The following ATP8B4 variants were observed in gnomAD, a reference collection of about 807,000 sequenced individuals.
ATP8B4 encodes ATPase phospholipid transporting 8B4 (putative), also known as probable phospholipid-transporting ATPase IM.
ATP8B4 carries 133 observed loss-of-function variants against 145.6 expected under a neutral mutation model. That is an observed-to-expected ratio of 0.91 (90% confidence interval 0.79 to 1.05). The LOEUF is 1.05. ATP8B4 is among the 50% of genes least tolerant of loss of function. The probability of loss-of-function intolerance (pLI) is 0.00; values close to 1 mark genes in which losing one functional copy is unlikely to be tolerated. For synonymous variants in ATP8B4, 507 were observed against 492.9 expected, an observed-to-expected ratio of 1.03 and a Z score of -0.38; for missense variants, 1,458 against 1,425.2, an observed-to-expected ratio of 1.02 and a Z score of -0.37.
chr15:50,163,775 A>C (rs976677345), intron 1 of ATP8B4, among the ~76,000 whole-genome samples: 2 of 152,210 alleles, frequency 1.3e-5, no homozygotes, highest in African/African-American at 2.4e-5. Context: ...ACCAGGACCT[A>C]AAGTCAGGAA....
chr15:50,175,850 A>G (rs893717258), intron 1 of ATP8B4, among the ~76,000 whole-genome samples: 2 of 152,194 alleles, frequency 1.3e-5, no homozygotes. Context: ...ACTGCTGGGT[A>G]TCTACCCAAA....
At chr15:49,970,914 A>G (rs2045056379) in intron 13 of ATP8B4, among the ~76,000 whole-genome samples, 1 of 152,188 alleles carries the variant, frequency 6.6e-6, no homozygotes. Flanking sequence ...TACTGCTACC[A>G]AAAGAGATAT....
intron 2 of ATP8B4, 79 bp from the exon 3 acceptor site, chr15:50,074,264 G>A (rs2054036004): frequency 2.7e-5 from 34 of 1,269,634 alleles, no homozygotes; most frequent in Non-Finnish European, 3.7e-5. Context: ...ACAAGACTTA[G>A]GTTGCTTTGT....
intron 8 of ATP8B4, among the ~76,000 whole-genome samples, chr15:49,997,996 G>A (rs1331035172): frequency 6.6e-6 from 1 of 152,024 alleles, no homozygotes; most frequent in Non-Finnish European, 1.5e-5. Flanking sequence ...GAGGCTAAAG[G>A]GCCAACATGT....
chr15:49,902,120 G>A (rs919348082), intron 20 of ATP8B4: 1 of 160,216 alleles, frequency 6.2e-6, no homozygotes, highest in Non-Finnish European at 1.4e-5. Context: ...TGCAGGCTTT[G>A]AAGTAACATA....
chr15:50,034,998 G>A (rs780749918), intron 6 of ATP8B4, among the ~76,000 whole-genome samples: 11 of 152,184 alleles, frequency 7.2e-5, no homozygotes, highest in Non-Finnish European at 1.5e-4. Flanking sequence ...CTACAAGAAG[G>A]AATCATGCCA....
chr15:49,967,082 A>G (rs994104010), intron 13 of ATP8B4, among the ~76,000 whole-genome samples: 2 of 152,192 alleles, frequency 1.3e-5, no homozygotes, highest in Non-Finnish European at 2.9e-5. Flanking sequence ...CAACATCAAC[A>G]AAAAGGACAT....
At chr15:50,076,068 C>T (rs184531945) in intron 2 of ATP8B4, among the ~76,000 whole-genome samples, 2 of 152,276 alleles carry the variant, frequency 1.3e-5, no homozygotes, top group Admixed American at 1.3e-4. Context: ...TAGCTTGTTT[C>T]ATATACATTC....
intron 13 of ATP8B4, among the ~76,000 whole-genome samples, chr15:49,962,995 A>G (rs2044212641): frequency 6.6e-6 from 1 of 152,192 alleles, no homozygotes; most frequent in Non-Finnish European, 1.5e-5. Context: ...AGAATGAGAG[A>G]AAATTTTTGC....
At chr15:50,039,849 T>C (rs1057042508) in intron 5 of ATP8B4, among the ~76,000 whole-genome samples, 2 of 152,200 alleles carry the variant, frequency 1.3e-5, no homozygotes, top group African/African-American at 2.4e-5. Flanking sequence ...GCCCAGTACA[T>C]ACAATTACTC....
chr15:49,860,542 T>G, intron 27 of ATP8B4, 67 bp from the exon 28 acceptor site: 5 of 1,480,594 alleles, frequency 3.4e-6, no homozygotes, highest in Non-Finnish European at 4.5e-6. Context: ...GTGGCCCACT[T>G]TGTAAAGTGA....
intron 4 of ATP8B4, among the ~76,000 whole-genome samples, chr15:50,046,989 C>G (rs895266213): frequency 6.6e-6 from 1 of 152,180 alleles, no homozygotes; most frequent in African/African-American, 2.4e-5. Flanking sequence ...GCAACCTACT[C>G]AGTCTTAGTC....
At chr15:50,010,724 T>C (rs2048666130) in intron 7 of ATP8B4, 121 bp downstream of exon 7, 1 of 596,486 alleles carries the variant, frequency 1.7e-6, no homozygotes. Context: ...TTTTTACTAA[T>C]ACATACTGAT....
At chr15:49,943,139 A>G (rs896014587) in intron 14 of ATP8B4, among the ~76,000 whole-genome samples, 8 of 152,236 alleles carry the variant, frequency 5.3e-5, no homozygotes, top group African/African-American at 1.9e-4. Flanking sequence ...AAATTCACCA[A>G]ACAAAGACAA....
chr15:50,142,948 G>A (rs2044232048), intron 1 of ATP8B4, among the ~76,000 whole-genome samples: 1 of 152,142 alleles, frequency 6.6e-6, no homozygotes, highest in Admixed American at 6.6e-5. Flanking sequence ...TTCAGGCTCT[G>A]ACTATGTATA....
intron 23 of ATP8B4, chr15:49,883,266 T>C (rs1211127875): frequency 6.6e-6 from 1 of 152,132 alleles, no homozygotes; most frequent in Non-Finnish European, 1.5e-5. Flanking sequence ...TACTCAACTG[T>C]GGACAGCTGA....
chr15:49,868,791 C>T (rs1197869541), intron 25 of ATP8B4, among the ~76,000 whole-genome samples: 3 of 152,092 alleles, frequency 2.0e-5, no homozygotes, highest in African/African-American at 7.2e-5. Context: ...GATAGAATTT[C>T]ATATTATCTG....
intron 6 of ATP8B4, among the ~76,000 whole-genome samples, chr15:50,035,584 G>A (rs1437288757): frequency 3.3e-5 from 5 of 152,110 alleles, no homozygotes; most frequent in Non-Finnish European, 7.3e-5. Context: ...GGTTTTATGA[G>A]ACTTAAGTGT....
intron 14 of ATP8B4, among the ~76,000 whole-genome samples, chr15:49,956,148 G>A (rs1486564108): frequency 6.6e-6 from 1 of 152,082 alleles, no homozygotes; most frequent in Non-Finnish European, 1.5e-5. Context: ...TATGACTCAA[G>A]TATTATCCCT....
Sources: allele counts gnomAD v4.1 joint callset (sites outside exome capture counted in the v4.1 genomes callset), GRCh38; gene constraint gnomAD v4.1.1; transcripts MANE v1.5; gene names NCBI Gene and HGNC (gene_info 2026-07-23, HGNC 2026-07-21).